The following CNIH3 variants were observed in gnomAD, a reference collection of about 807,000 sequenced individuals.
CNIH3 encodes cornichon family AMPA receptor auxiliary protein 3, also known as protein cornichon homolog 3.
CNIH3 carries 14 observed loss-of-function variants against 24.1 expected under a neutral mutation model. The observed-to-expected ratio is 0.58, with a 90% CI of 0.38 to 0.91. The LOEUF (loss-of-function observed/expected upper bound fraction) is 0.91, where lower values mean the gene tolerates loss of function less well. CNIH3 is among the 40% of genes least tolerant of loss of function. The probability of loss-of-function intolerance (pLI) is 0.00; values close to 1 mark genes in which losing one functional copy is unlikely to be tolerated. For synonymous variants in CNIH3, 68 were observed against 73.8 expected (o/e 0.92, Z 0.40); for missense variants, 178 against 196.8 (o/e 0.90, Z 0.57).
chr1:224,646,377 T>C (rs1300361183), intron 1 of CNIH3, among the ~76,000 whole-genome samples: 1 of 152,200 alleles, frequency 6.6e-6, no homozygotes, highest in Non-Finnish European at 1.5e-5. Flanking sequence ...GTGCTCCCTT[T>C]GGCCTTTGTT....
downstream of CNIH3, among the ~76,000 whole-genome samples, chr1:224,539,292 C>T (rs1336158756): frequency 2.0e-5 from 3 of 152,188 alleles, no homozygotes; most frequent in African/African-American, 7.2e-5. Context: ...TCTTTAAACT[C>T]CAGGGTCTCT....
At chr1:224,477,021 C>G (rs1004516207) in intron 1 of CNIH3, among the ~76,000 whole-genome samples, 2 of 152,200 alleles carry the variant, frequency 1.3e-5, no homozygotes, top group African/African-American at 4.8e-5. Flanking sequence ...TGATCTTACT[C>G]CCACCATGCC....
chr1:224,529,763 C>T (rs926809760), intron 2 of CNIH3, among the ~76,000 whole-genome samples: 3 of 152,170 alleles, frequency 2.0e-5, no homozygotes, highest in African/African-American at 7.2e-5. Flanking sequence ...TGAAGAAACG[C>T]TTTGTATATT....
chr1:224,435,066 C>A lies in CNIH3; in HGVS notation n.203+204C>A, dbSNP rs574673620. On this transcript the variant is annotated intron_variant and non_coding_transcript_variant, in intron 1 of 5. Coordinates refer to the CNIH3 transcript ENST00000471578. Reference sequence around the variant, plus strand: ...GGCTCGACGAGCAGTAAGTTCGTAGCCGCCCTCCGAAGCCGGGCGTGCATG... The same window carrying A: ...GGCTCGACGAGCAGTAAGTTCGTAGACGCCCTCCGAAGCCGGGCGTGCATG... 1.3e-5 allele frequency: 13 copies of A among 985,674 alleles called. No homozygotes were observed. The South Asian group carries it at 4.2e-4, about 32-fold the overall frequency. The allele number at this position is 985,674 out of a possible 1,614,324, so 61.1% of individuals were successfully genotyped here.
chr1:224,538,784 T>C (rs1031624583), downstream of CNIH3, among the ~76,000 whole-genome samples: 10 of 151,534 alleles, frequency 6.6e-5, no homozygotes, highest in African/African-American at 2.2e-4. Context: ...CTCAGCCTCC[T>C]GAGTAGCTGG....
intron 1 of CNIH3, among the ~76,000 whole-genome samples, chr1:224,457,267 CTCTCTCTCTGTGTG>C (rs1408345668): frequency 4.1e-5 from 3 of 73,262 alleles, no homozygotes; most frequent in East Asian, 4.8e-4. Flanking sequence ...GAGCCCTCCT[CTCTCTCTCTGTGTG>C]TGTGTGTGTG....
In CNIH3 at chr1:224,460,773, G is replaced by T. The variant is rs551871183; in HGVS notation, n.203+25911G>T. Among the ~76,000 whole-genome samples the T allele has an allele frequency of 2.2e-4, 32 of 144,514 alleles. No homozygotes were observed. The South Asian group carries it at 6.2e-3, about 28-fold the overall frequency. The allele number at this position is 144,514 out of a possible 152,430, so 94.8% of individuals were successfully genotyped here. A position where few individuals can be genotyped will look rare whatever the true frequency, so the allele number is the denominator to read the frequency against. On this transcript the variant is annotated intron_variant and non_coding_transcript_variant, in intron 1 of 5. Coordinates refer to the CNIH3 transcript ENST00000471578. Reference sequence around the variant, plus strand: ...CTAGATCATGTGGTAGGTTTTTTGGGTTTTTTTTTTTTTAGATATGTGGTC... The same window carrying T: ...CTAGATCATGTGGTAGGTTTTTTGGTTTTTTTTTTTTTTAGATATGTGGTC...
chr1:224,676,812 T>G (rs998389129), intron 1 of CNIH3, among the ~76,000 whole-genome samples: 1 of 152,366 alleles, frequency 6.6e-6, no homozygotes, highest in East Asian at 1.9e-4. Context: ...GGCCCGTGGC[T>G]TCTATCCTCA....
At chr1:224,483,506 G>A (rs1180598853) in intron 1 of CNIH3, among the ~76,000 whole-genome samples, 2 of 151,642 alleles carry the variant, frequency 1.3e-5, no homozygotes, top group Non-Finnish European at 2.9e-5. Flanking sequence ...CTCATGCCTC[G>A]GCCTCCTGAG....
At chr1:224,452,380 C>A (rs1197299837) in intron 1 of CNIH3, among the ~76,000 whole-genome samples, 1 of 151,858 alleles carries the variant, frequency 6.6e-6, no homozygotes, top group Non-Finnish European at 1.5e-5. Context: ...AAACTCCTGA[C>A]CTCAAGTGAT....
chr1:224,706,049 C>T (rs1038469362), intron 3 of CNIH3, among the ~76,000 whole-genome samples: 2 of 152,000 alleles, frequency 1.3e-5, no homozygotes, highest in African/African-American at 4.8e-5. Context: ...GCAGCTAGAC[C>T]AGGAGCTGCC....
At chr1:224,557,159 A>T (rs1680171589) in intron 3 of CNIH3, among the ~76,000 whole-genome samples, 1 of 152,094 alleles carries the variant, frequency 6.6e-6, no homozygotes, top group African/African-American at 2.4e-5. Flanking sequence ...CTCCCACCTC[A>T]GACTCCTAGT....
chr1:224,614,936 C>CAAATAAATAAAT (rs56329135), upstream of CNIH3, among the ~76,000 whole-genome samples: 1,033 of 146,784 alleles, frequency 7.0e-3, 7 homozygotes, highest in Middle Eastern at 0.018. Context: ...GAGACTCCGT[C>CAAATAAATAAAT]AAATAAATAA....
chr1:224,442,682 T>C (rs902045168), intron 1 of CNIH3, among the ~76,000 whole-genome samples: 1 of 152,250 alleles, frequency 6.6e-6, no homozygotes, highest in Admixed American at 6.5e-5. Flanking sequence ...ATCAACCTTA[T>C]GAAGGCTGTA....
At chr1:224,627,741 C>T (rs1048743750) in intron 1 of CNIH3, among the ~76,000 whole-genome samples, 1 of 152,160 alleles carries the variant, frequency 6.6e-6, no homozygotes, top group Non-Finnish European at 1.5e-5. Flanking sequence ...ACCCACGAGT[C>T]AGTCTGATAA....
chr1:224,586,603 C>T lies in CNIH3; in HGVS notation n.621-1758C>T, dbSNP rs572286165. Reference sequence around the variant, plus strand: ...AGAGAAAGTCTGGATTTGGCAGGACCGTTGTCTCAGCATGATGTGTATAGC... The same window carrying T: ...AGAGAAAGTCTGGATTTGGCAGGACTGTTGTCTCAGCATGATGTGTATAGC... On this transcript the variant is annotated intron_variant and non_coding_transcript_variant, in intron 5 of 5. Coordinates refer to the CNIH3 transcript ENST00000471578. Among the ~76,000 whole-genome samples the T allele has an allele frequency of 8.5e-5, 13 of 152,294 alleles. No homozygotes were observed. The South Asian group carries it at 1.9e-3, about 22-fold the overall frequency.
intron 1 of CNIH3, among the ~76,000 whole-genome samples, chr1:224,656,548 CG>C (rs1240509456): frequency 6.6e-6 from 1 of 151,754 alleles, no homozygotes; most frequent in African/African-American, 2.4e-5. Flanking sequence ...CGGCGGGCGG[CG>C]GGGGGGCGGT....
rs1344259528 is a variant in CNIH3 at position 224,704,587 on chromosome 1, AT to A, written c.198+19745del. On this transcript the variant is annotated intron_variant, in intron 3 of 5. Coordinates refer to ENST00000272133, the MANE Select transcript of CNIH3 (RefSeq NM_152495.2). This position sits in a 1 kb window ranked among gnomAD's most constrained non-coding sequence, Gnocchi z 4.2. ...ACATTTGCCTTCTCAGCTCTTCCCC[AT>A]CCCCCGTGTATGTACAGCACATACT... Among the ~76,000 whole-genome samples, 2 of 152,076 alleles carry A rather than the reference AT, an allele frequency of 1.3e-5. No homozygotes were observed. Among genetic ancestry groups the A allele is most frequent in the African/African-American group, 4.8e-5 (2 of 41,390 alleles).
At chr1:224,715,833 G>A (rs181740002) in intron 3 of CNIH3, among the ~76,000 whole-genome samples, 4 of 152,200 alleles carry the variant, frequency 2.6e-5, no homozygotes, top group Admixed American at 1.3e-4. Flanking sequence ...TGACCCAAAC[G>A]CCTCCCATTA....
Sources: gnomAD v4.1 joint callset for allele counts (sites outside exome capture counted in the v4.1 genomes callset) on GRCh38, gnomAD v4.1.1 for gene constraint, Gnocchi (gnomAD v3.1) non-coding constraint, MANE v1.5 for transcripts, NCBI Gene and HGNC (gene_info 2026-07-23, HGNC 2026-07-21) for gene names.